DPF3: variants seen among roughly 807,000 people sequenced by gnomAD.
DPF3 encodes the protein zinc finger protein DPF3.
In DPF3, 18 loss-of-function variants were observed where a neutral mutation model predicts 56.8. The observed-to-expected ratio is 0.32, with a 90% CI of 0.22 to 0.47. The LOEUF is 0.47. DPF3 is among the 20% of genes least tolerant of loss of function. The probability of loss-of-function intolerance (pLI) is 1.00; values close to 1 mark genes in which losing one functional copy is unlikely to be tolerated. For synonymous variants in DPF3, 188 were observed against 180.2 expected (o/e 1.04, Z -0.35); for missense variants, 403 against 488.8 (o/e 0.82, Z 1.65).
At chr14:72,742,399 C>T (rs1890161476) in intron 3 of DPF3, 1 of 152,240 alleles carries the variant, frequency 6.6e-6, no homozygotes, top group Non-Finnish European at 1.5e-5. Context: ...AGCCAGACTC[C>T]TCTGCAGGCC....
intron 1 of DPF3, among the ~76,000 whole-genome samples, chr14:72,874,371 C>T (rs1340123726): frequency 2.0e-5 from 3 of 151,474 alleles, no homozygotes; most frequent in Non-Finnish European, 2.9e-5. Flanking sequence ...CCCAGCTACT[C>T]GAAAGGCTAA....
At chr14:72,720,334 A>C (rs1889115255) in intron 5 of DPF3, among the ~76,000 whole-genome samples, 1 of 137,486 alleles carries the variant, frequency 7.3e-6, no homozygotes, top group South Asian at 2.4e-4. Flanking sequence ...TCTCTAAAAC[A>C]TAATAATTAT....
chr14:72,675,684 G>A (rs1480584211), intron 7 of DPF3: 1 of 152,228 alleles, frequency 6.6e-6, no homozygotes, highest in Non-Finnish European at 1.5e-5. Flanking sequence ...ACAAAAGCTA[G>A]AGGAATTTCA....
chr14:72,867,571 T>G (rs1783312431), intron 1 of DPF3, among the ~76,000 whole-genome samples: 1 of 152,146 alleles, frequency 6.6e-6, no homozygotes, highest in Non-Finnish European at 1.5e-5. Context: ...CTCTAAGGTG[T>G]TTCATTCAAT....
At chr14:72,710,596 C>T (rs1888609630) in intron 6 of DPF3, among the ~76,000 whole-genome samples, 1 of 152,238 alleles carries the variant, frequency 6.6e-6, no homozygotes, top group Non-Finnish European at 1.5e-5. Flanking sequence ...TTGGCCTTCC[C>T]TCCAGTGATT....
At chr14:72,679,173 C>G (rs958987934) in intron 7 of DPF3, 1 of 152,228 alleles carries the variant, frequency 6.6e-6, no homozygotes, top group African/African-American at 2.4e-5. Context: ...GCCTCTCCCC[C>G]TCCCAGTCGG....
At chr14:72,644,442 C>CT (rs1278107167) in intron 8 of DPF3, among the ~76,000 whole-genome samples, 1 of 152,216 alleles carries the variant, frequency 6.6e-6, no homozygotes, top group Non-Finnish European at 1.5e-5. Context: ...ATTGATCTCG[C>CT]TGCTTACTTA....
intron 1 of DPF3, among the ~76,000 whole-genome samples, chr14:72,775,788 T>C (rs1166172042): frequency 6.6e-6 from 1 of 152,106 alleles, no homozygotes; most frequent in East Asian, 1.9e-4. Flanking sequence ...AAAGCCTTTT[T>C]CAAGATATAA....
At position 72,714,435 on chromosome 14, in the gene DPF3, A is replaced by G; in HGVS notation, c.592T>C (p.Tyr198His). ...GGCCCATACTTACTGTCACAGACGT[A>G]AGGTTTGTCGTGGTCTTCCTGAGAG... ...AASQEDHDKP[Y>H]VCDICGKRYK... Residue 198 changes from tyrosine to histidine, a missense_variant, in exon 6 of 11, where the codon TAC (tyrosine) becomes CAC (histidine). Transcript: ENST00000556509. 1.9e-6 allele frequency: 3 copies of G among 1,613,868 alleles called. No homozygotes were observed. The highest frequency in any genetic ancestry group is 2.5e-6 in the Non-Finnish European group (3 of 1,179,792).
At chr14:72,735,165 A>T (rs754127132) in intron 3 of DPF3, among the ~76,000 whole-genome samples, 3 of 152,006 alleles carry the variant, frequency 2.0e-5, no homozygotes, top group African/African-American at 4.8e-5. Context: ...CCAAACCTTT[A>T]TGCATTTTCA....
At chr14:72,625,207 T>C (rs1884752731) in intron 9 of DPF3, among the ~76,000 whole-genome samples, 3 of 152,188 alleles carry the variant, frequency 2.0e-5, no homozygotes, top group Admixed American at 2.0e-4. Context: ...TATTTCCCCT[T>C]TCCCTCTACA....
At chr14:72,668,104 G>A (rs563514053) in intron 8 of DPF3, among the ~76,000 whole-genome samples, 2 of 152,262 alleles carry the variant, frequency 1.3e-5, no homozygotes, top group South Asian at 4.2e-4. Flanking sequence ...AAATGTAGAT[G>A]ACTGCTATCT....
intron 1 of DPF3, among the ~76,000 whole-genome samples, chr14:72,860,614 G>C (rs1410146638): frequency 1.4e-5 from 2 of 142,462 alleles, no homozygotes; most frequent in Non-Finnish European, 3.0e-5. Flanking sequence ...GCCAAGGCTG[G>C]AGTGCAATGG....
intron 1 of DPF3, among the ~76,000 whole-genome samples, chr14:72,808,099 T>G: frequency 6.7e-6 from 1 of 148,940 alleles, no homozygotes; most frequent in Non-Finnish European, 1.5e-5. Flanking sequence ...AAGGTGGGAG[T>G]TAGGAATGGG....
At position 72,881,640 on chromosome 14, in the gene DPF3, A is replaced by T. The variant is rs183392526; in HGVS notation, c.32+12417T>A. ...TAAGGCAGATATAAATCCAAATAAA[A>T]TATTAAAATCATTAAAGGGCTGCTG... On this transcript the variant is annotated intron_variant, in intron 1 of 10. Transcript: ENST00000556509. Among the ~76,000 whole-genome samples, 1,150 of 152,362 alleles carry T rather than the reference A, an allele frequency of 7.5e-3. 14 individuals carry two copies. Among genetic ancestry groups the T allele is most frequent in the African/African-American group, 0.027 (1,103 of 41,572 alleles).
chr14:72,653,603 A>G (rs1885980513), intron 8 of DPF3, among the ~76,000 whole-genome samples: 2 of 152,188 alleles, frequency 1.3e-5, no homozygotes, highest in South Asian at 2.1e-4. Flanking sequence ...TCAGTGACCT[A>G]TCAGTCTAGA....
intron 2 of DPF3, 97 bp downstream of exon 2, chr14:72,771,636 C>T: frequency 3.4e-6 from 5 of 1,481,630 alleles, no homozygotes; most frequent in Non-Finnish European, 3.6e-6. Flanking sequence ...CACCCCGATC[C>T]TACCCAGGCT....
chr14:72,824,551 C>CTTTTTTTTTTTTTTTTT (rs375498304), intron 1 of DPF3, among the ~76,000 whole-genome samples: 3 of 143,254 alleles, frequency 2.1e-5, no homozygotes, highest in Non-Finnish European at 4.6e-5. Flanking sequence ...TTTTCTTTTT[C>CTTTTTTTTTTTTTTTTT]TTTTTTTTTT....
chr14:72,624,930 G>A (rs558472580), intron 9 of DPF3, among the ~76,000 whole-genome samples: 2 of 152,284 alleles, frequency 1.3e-5, no homozygotes, highest in African/African-American at 2.4e-5. Context: ...AGGCCAGTAC[G>A]TCTTATTACT....
Sources: allele counts gnomAD v4.1 joint callset (sites outside exome capture counted in the v4.1 genomes callset), GRCh38; gene constraint gnomAD v4.1.1; transcripts MANE v1.5; gene names NCBI Gene and HGNC (gene_info 2026-07-23, HGNC 2026-07-21).